ORC3: variants seen among roughly 807,000 people sequenced by gnomAD.
The protein encoded by ORC3 is origin recognition complex subunit 3, also known as homolog of latheo, Drosophila.
A neutral mutation model predicts 100.7 loss-of-function variants in ORC3; 78 were observed. That is an observed-to-expected ratio of 0.77 (90% CI 0.65 to 0.94). ORC3 has a LOEUF of 0.94. ORC3 is among the 40% of genes least tolerant of loss of function. ORC3 has a pLI of 0.00. For missense variants in ORC3, 789 were observed against 823.9 expected (o/e 0.96, Z 0.52); for synonymous variants, 295 against 289.3 (o/e 1.02, Z -0.20).
At chr6:87,606,563 C>G (rs960473785) in intron 5 of ORC3, among the ~76,000 whole-genome samples, 1 of 151,388 alleles carries the variant, frequency 6.6e-6, no homozygotes, top group Non-Finnish European at 1.5e-5. Context: ...CAGGGTCTCA[C>G]TCTGTTGCCT....
rs752793607 is a variant in ORC3, at chr6:87,603,510, A to G, written c.304A>G (p.Thr102Ala). The change falls in exon 4 of 20, where the codon ACT becomes GCT. Residue 102 changes from threonine to alanine, a missense_variant. Physicochemically the swap from Thr to Ala is moderately conservative, Grantham distance 58. Transcript: ENST00000392844. ...GGQIKLREIP[T>A]AALVLGVNVT... ...TCAAATAAAACTCAGAGAAATTCCA[A>G]CTGCTGCTCTTGTTCTTGGTATATA... 5.9e-6 allele frequency: 9 copies of G among 1,519,314 alleles called. No individual in the cohort carries two copies. The highest frequency in any genetic ancestry group is 4.1e-5 in the African/African-American group (3 of 73,880). 94.1% of individuals were successfully genotyped at this position (1,519,314 alleles called of 1,614,324 possible).
intron 5 of ORC3, 133 bp downstream of exon 5, chr6:87,606,154 G>A: frequency 1.8e-6 from 1 of 560,988 alleles, no homozygotes; most frequent in Non-Finnish European, 3.2e-6. Context: ...GGCAGGGTGA[G>A]GTTTGGGGGC....
rs950095571 is a variant in ORC3, at chr6:87,611,963, A to G, written c.714-126A>G. The G allele has an allele frequency of 2.2e-5, 18 of 807,120 alleles. No individual in the cohort carries two copies. In the South Asian group the frequency reaches 3.1e-4, roughly 14 times the overall value. 50.0% of individuals were successfully genotyped at this position (807,120 alleles called of 1,614,324 possible). A position where few individuals can be genotyped will look rare whatever the true frequency, so the allele number is the denominator to read the frequency against. On this transcript the variant is annotated intron_variant, in intron 7 of 19. Transcript: ENST00000392844. The stretch of plus-strand genomic sequence containing the variant: ...GACTTAGAAAATTTTAGTGTTTGCA[A>G]TGATAATCCTTAACAGTGTCTTATA...
chr6:87,636,705 T>G (rs1767859569), intron 13 of ORC3, among the ~76,000 whole-genome samples: 1 of 152,210 alleles, frequency 6.6e-6, no homozygotes, highest in Admixed American at 6.5e-5. Flanking sequence ...TTTGAGCTTG[T>G]GGTTTTTAAA....
chr6:87,645,115 A>G (rs1768654664), intron 13 of ORC3, among the ~76,000 whole-genome samples: 1 of 152,202 alleles, frequency 6.6e-6, no homozygotes, highest in Non-Finnish European at 1.5e-5. Flanking sequence ...CCATTAAAAA[A>G]AAAAGGGGTT....
intron 13 of ORC3, among the ~76,000 whole-genome samples, chr6:87,646,900 T>C (rs1768841718): frequency 6.6e-6 from 1 of 151,376 alleles, no homozygotes; most frequent in African/African-American, 2.4e-5. Flanking sequence ...ACTGAACTCC[T>C]GATCTTCCCC....
chr6:87,640,076 G>A (rs940450240), intron 13 of ORC3, among the ~76,000 whole-genome samples: 3 of 152,074 alleles, frequency 2.0e-5, no homozygotes, highest in Non-Finnish European at 4.4e-5. Flanking sequence ...AGTGTGTCAC[G>A]CCTCATGCCT....
At chr6:87,672,884 ACAT>A in the ORC3 span, among the ~76,000 whole-genome samples, 4,771 of 152,256 alleles carry the variant, frequency 0.031, 248 homozygotes, top group African/African-American at 0.11. Context: ...TTTACTAAAC[ACAT>A]CATAGTACAG....
intron 13 of ORC3, among the ~76,000 whole-genome samples, chr6:87,646,904 C>T (rs1050122979): frequency 6.7e-6 from 1 of 150,154 alleles, no homozygotes; most frequent in African/African-American, 2.5e-5. Context: ...AACTCCTGAT[C>T]TTCCCCTGAA....
chr6:87,655,097 T>G lies in ORC3; in HGVS notation c.1517-1809T>G, dbSNP rs62417729. ...CGTTGGATGAGTAGAAATATTTGGC[T>G]ATATGCTATCTGTGTTCCTTAACAT... is the stretch of plus-strand genomic sequence containing the variant. On this transcript the variant is annotated intron_variant, in intron 14 of 19. Transcript: ENST00000392844. Among the ~76,000 whole-genome samples the G allele has an allele frequency of 4.0e-3, 614 of 152,372 alleles. 1 individual carries two copies. Among genetic ancestry groups the G allele is most frequent in the Non-Finnish European group, 6.1e-3 (417 of 68,036 alleles).
rs543601779 is a variant in ORC3 at position 87,634,917 on chromosome 6, C to A, written c.1258C>A (p.His420Asn). ...MNYFLVLRCL[H>N]KFTSSLPKYP... is the part of the protein sequence containing the mutation. ...TTACTTCCTGGTTTTGAGATGTCTT[C>A]ATAAGTTCACCTCTTCTCTTCCCAA... The change falls in exon 12 of 20, where the codon CAT (histidine) becomes AAT (asparagine). Residue 420 changes from histidine to asparagine, a missense_variant. His to Asn is a moderately conservative substitution (Grantham distance 68). This residue lies in a region of ORC3 where 366 missense variants were observed against 394.2 expected (regional missense o/e 0.93). Transcript: ENST00000392844. The A allele has an allele frequency of 5.0e-6, 8 of 1,604,408 alleles. No homozygotes were observed. The East Asian group carries it at 1.3e-4, about 27-fold the overall frequency.
downstream of ORC3, among the ~76,000 whole-genome samples, chr6:87,670,674 A>G (rs529360848): frequency 6.6e-6 from 1 of 152,350 alleles, no homozygotes; most frequent in African/African-American, 2.4e-5. Flanking sequence ...CTTTCATTTA[A>G]TGAAATACTG....
rs1386952429 is a variant in ORC3, at chr6:87,667,113, G to A, written c.2126G>A (p.Gly709Glu). 1 of 1,591,476 alleles carries A rather than the reference G, an allele frequency of 6.3e-7. No homozygotes were observed. Among genetic ancestry groups the A allele is most frequent in the Non-Finnish European group, 8.6e-7 (1 of 1,164,430 alleles). The change falls in exon 20 of 20, where the codon GGA (glycine) becomes GAA (glutamate). Residue 709 changes from glycine to glutamate, a missense_variant. Coordinates refer to ENST00000392844, the MANE Select transcript of ORC3 (RefSeq NM_012381.4). ...GACCATGTGGCAAGACTAACATGGG[G>A]AGGCTGCTAGAAAGCAAATAAGCAA... The part of the protein sequence containing the change: ...KTDHVARLTW[G>E]GC
intron 14 of ORC3, 86 bp downstream of exon 14, chr6:87,653,335 T>G: frequency 7.8e-7 from 1 of 1,288,122 alleles, no homozygotes; most frequent in East Asian, 2.3e-5. Flanking sequence ...TCTGATGTGC[T>G]TAGAGATAAA....
intron 13 of ORC3, among the ~76,000 whole-genome samples, chr6:87,645,406 T>C (rs1290675621): frequency 6.6e-6 from 1 of 152,244 alleles, no homozygotes; most frequent in African/African-American, 2.4e-5. Flanking sequence ...GTTTCATTGT[T>C]ATCATCCTAC....
chr6:87,636,260 C>T, intron 12 of ORC3, 147 bp from the exon 13 acceptor site: 1 of 580,798 alleles, frequency 1.7e-6, no homozygotes, highest in Non-Finnish European at 3.1e-6. Flanking sequence ...AAGCCTGATC[C>T]ATGAGATATA....
chr6:87,622,113 C>A, intron 11 of ORC3, 100 bp downstream of exon 11: 1 of 789,416 alleles, frequency 1.3e-6, no homozygotes. Context: ...ATTTGTGCAT[C>A]TTAATATTTA....
In ORC3 at chr6:87,605,966, C is replaced by G; in HGVS notation, c.372C>G (p.Ala124=). Residue 124 remains alanine, a synonymous_variant, in exon 5 of 20, where the codon GCC becomes GCG. Transcript: ENST00000392844. Reference sequence around the variant, plus strand: ...TGACATTCGGAAGTCTAACAGAGGCCCTTCAGAATAATGTCACACCATATG... The same window carrying G: ...TGACATTCGGAAGTCTAACAGAGGCGCTTCAGAATAATGTCACACCATATG... The part of the protein sequence containing the change: ...HDLTFGSLTE[A]LQNNVTPYVV... The G allele has an allele frequency of 6.2e-7, 1 of 1,610,426 alleles. No individual in the cohort carries two copies. The highest frequency in any genetic ancestry group is 8.5e-7 in the Non-Finnish European group (1 of 1,177,122).
rs921488244 is a variant in ORC3, at chr6:87,607,655, A to G, written c.428-18A>G. ...AGAAGAGGCAGAGATAAGCTTTCTT[A>G]CTTTTTATATTCCACAGATATGAAA... On this transcript the variant is annotated intron_variant, in intron 5 of 19. Transcript: ENST00000392844. 2 of 1,564,542 alleles carry G rather than the reference A, an allele frequency of 1.3e-6. No homozygotes were observed. The highest frequency in any genetic ancestry group is 1.4e-5 in the African/African-American group (1 of 72,626).
Sources: allele counts gnomAD v4.1 joint callset (sites outside exome capture counted in the v4.1 genomes callset), GRCh38; gene constraint gnomAD v4.1.1; regional missense constraint gnomAD v4.1.1; transcripts MANE v1.5; gene names NCBI Gene and HGNC (gene_info 2026-07-23, HGNC 2026-07-21).